FRMD4A: variants seen among roughly 807,000 people sequenced by gnomAD.
FRMD4A encodes FERM domain containing 4A.
Under a neutral mutation model 129.1 loss-of-function variants are expected in FRMD4A, and 29 were observed. The observed-to-expected ratio is 0.22, with a 90% confidence interval of 0.17 to 0.31. The LOEUF is 0.31. FRMD4A is among the 10% of genes least tolerant of loss of function. The probability of loss-of-function intolerance (pLI) is 1.00; values close to 1 mark genes in which losing one functional copy is unlikely to be tolerated. For synonymous variants in FRMD4A, 634 were observed against 571.6 expected, an observed-to-expected ratio of 1.11 and a Z score of -1.56; for missense variants, 1,272 against 1,375.8, an observed-to-expected ratio of 0.92 and a Z score of 1.19.
intron 2 of FRMD4A, among the ~76,000 whole-genome samples, chr10:13,924,044 G>T (rs2095102601): frequency 6.6e-6 from 1 of 152,228 alleles, no homozygotes; most frequent in South Asian, 2.1e-4. Context: ...GGCAGTGGAG[G>T]CTGCAATTCA....
Position 13,657,501 on chromosome 10 carries a change from G to A in FRMD4A, c.2088C>T (p.Thr696=), listed in dbSNP as rs2082266275. ...AGTGCAGTGCGAGGCTGTGCAGTCG[G>A]GTGGGGCTGATGTCCACCGACCTGC... The part of the protein sequence containing the change: ...HSTRSVDISP[T]RLHSLALHFR... Residue 696 remains threonine (T), a synonymous_variant, in exon 22 of 25, where the codon ACC becomes ACT. Coordinates refer to ENST00000357447, the MANE Select transcript of FRMD4A (RefSeq NM_018027.5). The A allele has an allele frequency of 1.2e-6, 2 of 1,601,136 alleles. No individual in the cohort carries two copies. The highest frequency in any genetic ancestry group is 8.5e-7 in the Non-Finnish European group (1 of 1,176,108).
At chr10:13,670,335 C>G in intron 17 of FRMD4A, 71 bp downstream of exon 17, 1 of 1,518,132 alleles carries the variant, frequency 6.6e-7, no homozygotes, top group East Asian at 2.3e-5. Context: ...TACAGAAAAC[C>G]TGGAAGGCCT....
In FRMD4A at chr10:14,049,929, T is replaced by C. The variant is rs983472440; in HGVS notation, c.46-191017A>G. On this transcript the variant is annotated intron_variant, in intron 2 of 24. Transcript: ENST00000357447. ...TGACTGTCTTTTTGCAGTTGTCTGA[T>C]CCTGCACACTTGCCGCACTTCCGTC... Among the ~76,000 whole-genome samples, 7 of 152,196 alleles carry C rather than the reference T, an allele frequency of 4.6e-5. No individual in the cohort carries two copies. In the East Asian group the frequency reaches 1.3e-3, roughly 29 times the overall value.
chr10:13,927,473 A>T (rs2095146642), intron 2 of FRMD4A, among the ~76,000 whole-genome samples: 1 of 152,226 alleles, frequency 6.6e-6, no homozygotes, highest in Non-Finnish European at 1.5e-5. Context: ...TTTTTCTTAC[A>T]GCACTCAAGA....
chr10:13,845,069 G>A (rs1303750453), intron 3 of FRMD4A, among the ~76,000 whole-genome samples: 3 of 152,128 alleles, frequency 2.0e-5, no homozygotes, highest in Admixed American at 6.5e-5. Context: ...TTAATATAAA[G>A]CCTTAAGGAT....
At position 13,885,182 on chromosome 10, in the gene FRMD4A, C is replaced by T. The variant is rs185345172; in HGVS notation, c.46-26270G>A. On this transcript the variant is annotated intron_variant, in intron 2 of 24. Coordinates refer to ENST00000357447, the MANE Select transcript of FRMD4A (RefSeq NM_018027.5). The stretch of plus-strand genomic sequence containing the variant: ...GGAGGATCGTTTGAGGCCAGGAATT[C>T]GAGACCAGCCTGGGAAACATAGCAA... Among the ~76,000 whole-genome samples the T allele has an allele frequency of 3.2e-4, 48 of 152,244 alleles. 1 individual carries two copies. The highest frequency in any genetic ancestry group is 1.1e-3 in the African/African-American group (47 of 41,556).
chr10:14,000,130 C>T (rs1245301096), intron 2 of FRMD4A, among the ~76,000 whole-genome samples: 2 of 152,182 alleles, frequency 1.3e-5, no homozygotes, highest in Non-Finnish European at 2.9e-5. Context: ...GGTTCATCCA[C>T]TCCCAGATTA....
intron 2 of FRMD4A, among the ~76,000 whole-genome samples, chr10:14,238,867 T>A (rs1382069049): frequency 1.3e-5 from 2 of 152,190 alleles, no homozygotes; most frequent in Non-Finnish European, 2.9e-5. Context: ...ATGAACTCAT[T>A]CTTTTTTATG....
chr10:13,926,751 C>T (rs576743036), intron 2 of FRMD4A, among the ~76,000 whole-genome samples: 6 of 152,302 alleles, frequency 3.9e-5, no homozygotes, highest in South Asian at 2.1e-4. Context: ...GTGCCCTACA[C>T]GACAATGTAC....
chr10:14,325,344 A>G (rs1050723458), intron 2 of FRMD4A, among the ~76,000 whole-genome samples: 2 of 152,178 alleles, frequency 1.3e-5, no homozygotes, highest in Non-Finnish European at 2.9e-5. Context: ...CACATCTCCA[A>G]CTGGCCTTTC....
At chr10:13,761,720 A>T (rs768603215) in intron 7 of FRMD4A, 51 bp from the exon 8 acceptor site, 1 of 1,251,098 alleles carries the variant, frequency 8.0e-7, no homozygotes, top group East Asian at 2.3e-5. Flanking sequence ...CCAATGTTAG[A>T]GACTCTAAAG....
chr10:13,777,109 G>C (rs1023138089), intron 6 of FRMD4A, among the ~76,000 whole-genome samples: 2 of 152,248 alleles, frequency 1.3e-5, no homozygotes, highest in African/African-American at 4.8e-5. Context: ...CAAGGGGCAT[G>C]CCTGGGAAAA....
intron 2 of FRMD4A, among the ~76,000 whole-genome samples, chr10:14,226,097 C>G (rs1023307594): frequency 6.6e-6 from 1 of 152,130 alleles, no homozygotes; most frequent in Non-Finnish European, 1.5e-5. Flanking sequence ...TCTCAGGTCA[C>G]CTCCCTGCAT....
intron 2 of FRMD4A, among the ~76,000 whole-genome samples, chr10:13,897,011 A>T (rs2094766156): frequency 6.6e-6 from 1 of 152,248 alleles, no homozygotes; most frequent in Non-Finnish European, 1.5e-5. Context: ...GAATTTGAAG[A>T]GATAAAATTT....
At chr10:13,866,814 T>C (rs1353238045) in intron 2 of FRMD4A, among the ~76,000 whole-genome samples, 1 of 152,138 alleles carries the variant, frequency 6.6e-6, no homozygotes, top group Non-Finnish European at 1.5e-5. Flanking sequence ...TAGCTAGGTA[T>C]GTTGGCACCT....
At chr10:13,896,858 T>A in intron 2 of FRMD4A, among the ~76,000 whole-genome samples, 1 of 152,242 alleles carries the variant, frequency 6.6e-6, no homozygotes, top group East Asian at 1.9e-4. Context: ...CACAATGGTC[T>A]GTTCCCCGAA....
chr10:14,022,409 T>C (rs1482350857), intron 2 of FRMD4A, among the ~76,000 whole-genome samples: 2 of 152,302 alleles, frequency 1.3e-5, no homozygotes, highest in East Asian at 1.9e-4. Flanking sequence ...TTATAAGAGA[T>C]AGGCTTAAAA....
At position 13,666,122 on chromosome 10, in the gene FRMD4A, G is replaced by A; in HGVS notation, c.1578C>T (p.Thr526=). The A allele has an allele frequency of 6.2e-7, 1 of 1,610,898 alleles. No individual in the cohort carries two copies. The highest frequency in any genetic ancestry group is 8.5e-7 in the Non-Finnish European group (1 of 1,177,064). ...ENRIKSGKKP[T]QRASLIIDDG... ...CGTCTATGATCAGCGAAGCCCTCTGGGTGGGTTTCTTCCCAGACTTGATGC... is the reference window on the plus strand; with the variant it reads ...CGTCTATGATCAGCGAAGCCCTCTGAGTGGGTTTCTTCCCAGACTTGATGC... Residue 526 remains threonine, a synonymous_variant, in exon 18 of 25, where the codon ACC becomes ACT. Transcript: ENST00000357447.
chr10:14,067,453 G>A (rs72776657), intron 2 of FRMD4A, among the ~76,000 whole-genome samples: 1,859 of 152,242 alleles, frequency 0.012, 19 homozygotes, highest in East Asian at 0.045. Context: ...CAATCGGTCA[G>A]CTTTATTTAT....
Sources: allele counts gnomAD v4.1 joint callset (sites outside exome capture counted in the v4.1 genomes callset), GRCh38; gene constraint gnomAD v4.1.1; transcripts MANE v1.5; gene names NCBI Gene and HGNC (gene_info 2026-07-23, HGNC 2026-07-21).